Variants in ADGRL4 observed in about 807,000 individuals in gnomAD.
ADGRL4 encodes the protein EGF, latrophilin and seven transmembrane domain containing 1.
ADGRL4 carries 90 observed loss-of-function variants against 74.8 expected under a neutral mutation model. The ratio of observed to expected loss-of-function variants is 1.20; its 90% CI spans 1.02 to 1.43. The LOEUF (loss-of-function observed/expected upper bound fraction) is 1.43. Ranked by LOEUF, ADGRL4 falls within the 40% of genes most tolerant of loss-of-function variation. The pLI, the probability that ADGRL4 is intolerant of heterozygous loss-of-function variation, is 0.00. For missense variants in ADGRL4, 881 were observed against 814.3 expected, an observed-to-expected ratio of 1.08 and a Z score of -1.00; for synonymous variants, 311 against 279.2, an observed-to-expected ratio of 1.11 and a Z score of -1.14.
At chr1:78,904,832 A>T (rs998392357) in intron 12 of ADGRL4, among the ~76,000 whole-genome samples, 7 of 152,070 alleles carry the variant, frequency 4.6e-5, no homozygotes, top group Non-Finnish European at 8.8e-5. Flanking sequence ...ATTAAATTAC[A>T]TAATTAATGT....
intron 7 of ADGRL4, among the ~76,000 whole-genome samples, chr1:78,928,835 CCAAGCA>C (rs1052075226): frequency 1.2e-4 from 18 of 151,612 alleles, no homozygotes; most frequent in African/African-American, 3.9e-4. Flanking sequence ...TTACTGTGGT[CCAAGCA>C]CAAGCCTTCC....
intron 12 of ADGRL4, among the ~76,000 whole-genome samples, chr1:78,898,909 A>G (rs1238091620): frequency 6.6e-6 from 1 of 152,182 alleles, no homozygotes; most frequent in African/African-American, 2.4e-5. Context: ...TAAGTAGATG[A>G]GTTGGTGAAA....
chr1:78,897,164 C>T (rs1648415872), intron 12 of ADGRL4, among the ~76,000 whole-genome samples: 1 of 152,114 alleles, frequency 6.6e-6, no homozygotes, highest in South Asian at 2.1e-4. Context: ...ATATTCTTCC[C>T]TTGCCTTTGT....
intron 2 of ADGRL4, among the ~76,000 whole-genome samples, chr1:78,988,070 T>C (rs1174594502): frequency 1.3e-5 from 2 of 151,798 alleles, no homozygotes; most frequent in East Asian, 1.9e-4. Context: ...GAATTTAAAA[T>C]AACATACTTA....
chr1:78,983,208 A>C (rs1447367943), intron 2 of ADGRL4, among the ~76,000 whole-genome samples: 2 of 151,814 alleles, frequency 1.3e-5, no homozygotes, highest in Non-Finnish European at 2.9e-5. Context: ...TGCCAAAATA[A>C]ATTTTGCAAT....
intron 14 of ADGRL4, 119 bp from the exon 15 acceptor site, chr1:78,891,335 G>A (rs1047898526): frequency 8.0e-7 from 1 of 1,249,720 alleles, no homozygotes; most frequent in Admixed American, 2.8e-5. Context: ...CTCAGAATAT[G>A]TCCATTTAAG....
intron 12 of ADGRL4, among the ~76,000 whole-genome samples, chr1:78,906,010 A>C (rs754558189): frequency 2.6e-5 from 4 of 152,014 alleles, no homozygotes; most frequent in Admixed American, 6.6e-5. Context: ...AACTCTGAGT[A>C]GGGAAAAATA....
chr1:78,891,664 G>C lies in ADGRL4; in HGVS notation c.1870C>G (p.Leu624Val). 3.1e-6 allele frequency: 5 copies of C among 1,612,862 alleles called. No individual in the cohort carries two copies. Among genetic ancestry groups the C allele is most frequent in the Middle Eastern group, 3.3e-4 (2 of 6,054 alleles). ...ATCCAGGTGGTGCCGAGAAGGAACA[G>C]AAGAGCGAGGGCTCCTCTTGCACAA... ...RSCARGALAL[L>V]FLLGTTWIFG... The change falls in exon 14 of 15, where the codon CTG becomes GTG. Residue 624 changes from leucine (L) to valine (V), a missense_variant. Coordinates refer to ENST00000370742, the MANE Select transcript of ADGRL4 (RefSeq NM_022159.4).
intron 3 of ADGRL4, among the ~76,000 whole-genome samples, chr1:78,944,573 T>C (rs1649555980): frequency 6.6e-6 from 1 of 152,198 alleles, no homozygotes; most frequent in South Asian, 2.1e-4. Context: ...TGTTTTCTCA[T>C]ATTTTAAATA....
intron 12 of ADGRL4, among the ~76,000 whole-genome samples, chr1:78,906,581 A>T (rs1460894441): frequency 6.6e-6 from 1 of 152,020 alleles, no homozygotes; most frequent in Non-Finnish European, 1.5e-5. Flanking sequence ...ACAACAATGT[A>T]AATTGATGTA....
intron 8 of ADGRL4, among the ~76,000 whole-genome samples, chr1:78,925,210 C>T (rs1358640157): frequency 6.6e-6 from 1 of 151,980 alleles, no homozygotes; most frequent in African/African-American, 2.4e-5. Context: ...GCTGCAGGGG[C>T]TTGAAACCTT....
chr1:78,896,458 A>AT lies in ADGRL4; in HGVS notation c.1750-3270dup, dbSNP rs1648402080. On this transcript the variant is annotated intron_variant, in intron 12 of 14. Coordinates refer to ENST00000370742, the MANE Select transcript of ADGRL4 (RefSeq NM_022159.4). ...CTGCTGTTCTTCCTGCAAATAACCT[A>AT]TTTTTTTCTGCAATCTTCCCCATCT... Among the ~76,000 whole-genome samples, 6 of 151,816 alleles carry AT rather than the reference A, an allele frequency of 4.0e-5. No homozygotes were observed. In the South Asian group the frequency reaches 8.3e-4, roughly 21 times the overall value.
intron 2 of ADGRL4, among the ~76,000 whole-genome samples, chr1:78,995,926 CA>C (rs1408561995): frequency 1.3e-5 from 2 of 151,956 alleles, no homozygotes; most frequent in Non-Finnish European, 1.5e-5. Context: ...CATAGGATAC[CA>C]GGGGGATTTC....
intron 12 of ADGRL4, among the ~76,000 whole-genome samples, chr1:78,896,800 A>G (rs1387092839): frequency 6.6e-6 from 1 of 152,162 alleles, no homozygotes; most frequent in East Asian, 1.9e-4. Flanking sequence ...AAAAGATTGC[A>G]CAGTGGCTTT....
chr1:78,913,516 G>T (rs1369384882), intron 12 of ADGRL4, among the ~76,000 whole-genome samples: 1 of 151,752 alleles, frequency 6.6e-6, no homozygotes, highest in African/African-American at 2.4e-5. Flanking sequence ...GCAAACTAAT[G>T]CAGGAACAGA....
Position 78,918,045 on chromosome 1 carries a change from GA to G in ADGRL4, c.1466del (p.Phe489SerfsTer14). On this transcript the variant is annotated frameshift_variant, in exon 11 of 15. Coordinates refer to ENST00000370742, the MANE Select transcript of ADGRL4 (RefSeq NM_022159.4). LOFTEE classifies it high-confidence loss of function. ...VGINTNTNKLFCSIIAGLLHY... is the reference protein window; with the variant it reads ...VGINTNTNKLXCSIIAGLLHY... ...GTAGCAGTCCGGCAATGATTGAACA[GA>G]AGAGCTAGAAATCAAAGAAAAAAAA... The G allele has an allele frequency of 6.4e-7, 1 of 1,572,890 alleles. No homozygotes were observed. Among genetic ancestry groups the G allele is most frequent in the Non-Finnish European group, 8.6e-7 (1 of 1,157,970 alleles).
At chr1:78,966,004 A>C (rs1347984997) in intron 2 of ADGRL4, among the ~76,000 whole-genome samples, 1 of 151,452 alleles carries the variant, frequency 6.6e-6, no homozygotes, top group Non-Finnish European at 1.5e-5. Flanking sequence ...AAAAAAAAAA[A>C]CAAAAACAAA....
At chr1:78,945,164 C>CAA (rs57419194) in intron 3 of ADGRL4, among the ~76,000 whole-genome samples, 2,030 of 116,462 alleles carry the variant, frequency 0.017, 46 homozygotes, top group Admixed American at 0.052. Flanking sequence ...GACTCTGTCT[C>CAA]AAAAAAAAAA....
rs181298847 is a variant in ADGRL4 at position 78,927,160 on chromosome 1, A to G, written c.878-69T>C. On this transcript the variant is annotated intron_variant, in intron 7 of 14. Transcript: ENST00000370742. ...AAGTGTATTTAGACTCTTAAGATAA[A>G]CATAAAAATTGAATAGACAAACATT... 13 of 1,033,908 alleles carry G rather than the reference A, an allele frequency of 1.3e-5. No homozygotes were observed. The Admixed American group carries it at 2.1e-4, about 16-fold the overall frequency. 64.0% of individuals were successfully genotyped at this position (1,033,908 alleles called of 1,614,324 possible). A position where few individuals can be genotyped will look rare whatever the true frequency, so the allele number is the denominator to read the frequency against.
Sources: allele counts gnomAD v4.1 joint callset (sites outside exome capture counted in the v4.1 genomes callset), GRCh38; gene constraint gnomAD v4.1.1; transcripts MANE v1.5; gene names NCBI Gene and HGNC (gene_info 2026-07-23, HGNC 2026-07-21).